Variants in ANO5 observed in about 807,000 individuals in gnomAD.
ANO5 encodes anoctamin-5.
A neutral mutation model predicts 121.0 loss-of-function variants in ANO5; 109 were observed. That is an observed-to-expected ratio of 0.90 (90% CI 0.77 to 1.06). The LOEUF (loss-of-function observed/expected upper bound fraction) is 1.06, where lower values mean the gene tolerates loss of function less well. Ranked by LOEUF, ANO5 falls within the 50% of genes least tolerant of loss-of-function variation. The pLI, the probability that ANO5 is intolerant of heterozygous loss-of-function variation, is 0.00. For synonymous variants in ANO5, 406 were observed against 359.9 expected (o/e 1.13, Z -1.45); for missense variants, 1,064 against 1,078.5 (o/e 0.99, Z 0.19).
intron 9 of ANO5, among the ~76,000 whole-genome samples, chr11:22,243,172 G>A (rs183348892): frequency 6.6e-6 from 1 of 152,128 alleles, no homozygotes; most frequent in East Asian, 1.9e-4. Flanking sequence ...ATGATCATAT[G>A]TTAATAGTTT....
chr11:22,225,846 A>G, intron 5 of ANO5, 138 bp from the exon 6 acceptor site: 1 of 658,878 alleles, frequency 1.5e-6, no homozygotes. Flanking sequence ...TGACATTCAG[A>G]TGGAGCATTT....
chr11:22,247,675 C>A (rs887787454), intron 9 of ANO5, among the ~76,000 whole-genome samples: 2 of 152,070 alleles, frequency 1.3e-5, no homozygotes, highest in Admixed American at 6.6e-5. Flanking sequence ...TACCTCTATA[C>A]CAAACATCAC....
chr11:22,257,561 A>G (rs373356671), intron 13 of ANO5, 119 bp from the exon 14 acceptor site: 3 of 798,342 alleles, frequency 3.8e-6, no homozygotes, highest in Non-Finnish European at 6.5e-6. Context: ...TCCATGACCT[A>G]TAGTAGGCCC....
chr11:22,221,095 A>T lies in ANO5; in HGVS notation c.181-2A>T. On this transcript the variant is annotated splice_acceptor_variant, in intron 4 of 21. Transcript: ENST00000324559. LOFTEE classifies it high-confidence loss of function. ...CAATTGTGTCATTTATGTCTCCTGC[A>T]GTTTCAAAAAAATCAGCAAAGCAAA... The T allele has an allele frequency of 6.3e-7, 1 of 1,598,010 alleles. No homozygotes were observed. Among genetic ancestry groups the T allele is most frequent in the Non-Finnish European group, 8.6e-7 (1 of 1,166,406 alleles).
chr11:22,278,634 G>T (rs1007369311), intron 21 of ANO5, among the ~76,000 whole-genome samples: 1 of 150,070 alleles, frequency 6.7e-6, no homozygotes, highest in Non-Finnish European at 1.5e-5. Context: ...AGCATTTTGT[G>T]CATACAGGAG....
rs1407092015 is a variant in ANO5 at position 22,203,831 on chromosome 11, A to G, written c.68A>G (p.Tyr23Cys). Residue 23 changes from tyrosine (Y) to cysteine (C), a missense_variant, in exon 2 of 22, where the codon TAC (tyrosine) becomes TGC (cysteine). By Grantham distance (194) the Tyr-to-Cys change is radical. Transcript: ENST00000324559. ...GAAAAAGTCAATAAGCATATAGACT[A>G]CTCTTTCCAAATGAGTGAGGTAAGT... ...EGEKVNKHIDYSFQMSEQSLS... is the reference protein window; with the variant it reads ...EGEKVNKHIDCSFQMSEQSLS... 2 of 1,476,484 alleles carry G rather than the reference A, an allele frequency of 1.4e-6. No individual in the cohort carries two copies. Among genetic ancestry groups the G allele is most frequent in the Non-Finnish European group, 9.4e-7 (1 of 1,061,366 alleles). The allele number at this position is 1,476,484 out of a possible 1,614,324, so 91.5% of individuals were successfully genotyped here.
intron 18 of ANO5, among the ~76,000 whole-genome samples, chr11:22,271,990 T>C (rs1854633316): frequency 6.6e-6 from 1 of 152,156 alleles, no homozygotes; most frequent in Non-Finnish European, 1.5e-5. Context: ...ATTTGAGATA[T>C]ATTTAAAAAT....
rs766878815 is a variant in ANO5, at chr11:22,221,108, T to C, written c.192T>C (p.Asn64=). ...FLRRRLMFQK[N]QQSKDSIFFR... is the part of the protein sequence containing the mutation. ...TATGTCTCCTGCAGTTTCAAAAAAA[T>C]CAGCAAAGCAAAGATTCTATCTTCT... The change falls in exon 5 of 22, where the codon AAT becomes AAC. Residue 64 remains asparagine, a synonymous_variant. Transcript: ENST00000324559. 2 of 1,611,078 alleles carry C rather than the reference T, an allele frequency of 1.2e-6. No individual in the cohort carries two copies. The highest frequency in any genetic ancestry group is 2.2e-5 in the South Asian group (2 of 90,992).
intron 8 of ANO5, among the ~76,000 whole-genome samples, chr11:22,237,935 A>G (rs963665149): frequency 1.3e-5 from 2 of 152,196 alleles, no homozygotes; most frequent in Non-Finnish European, 2.9e-5. Flanking sequence ...GCCTACACAC[A>G]TTCTTCAGCA....
In ANO5 at chr11:22,193,605, GC is replaced by G; in HGVS notation, c.40+77del. 7 of 1,553,696 alleles carry G rather than the reference GC, an allele frequency of 4.5e-6. 1 individual carries two copies. The Admixed American group carries it at 9.1e-5, about 20-fold the overall frequency. ...GCACCCCTCCACCCGCGGCGCAGAGGCCCCGGGGGACGTTGGCGGCCCTGCG... is the reference window on the plus strand; with the variant it reads ...GCACCCCTCCACCCGCGGCGCAGAGGCCCGGGGGACGTTGGCGGCCCTGCG... On this transcript the variant is annotated intron_variant, in intron 1 of 21. Coordinates refer to ENST00000324559, the MANE Select transcript of ANO5 (RefSeq NM_213599.3).
chr11:22,221,632 T>G (rs1176836105), intron 5 of ANO5, among the ~76,000 whole-genome samples: 1 of 151,964 alleles, frequency 6.6e-6, no homozygotes, highest in Non-Finnish European at 1.5e-5. Flanking sequence ...TACACATCAC[T>G]TTATGAGCTT....
intron 2 of ANO5, among the ~76,000 whole-genome samples, chr11:22,205,537 C>CAAAATAAAATAAAATAAAAT (rs66490106): frequency 1.4e-5 from 2 of 148,116 alleles, no homozygotes; most frequent in South Asian, 4.3e-4. Context: ...CAGGCTGTCT[C>CAAAATAAAATAAAATAAAAT]AAAATAAAAT....
At chr11:22,230,389 C>T (rs1022638998) in intron 7 of ANO5, among the ~76,000 whole-genome samples, 2 of 151,896 alleles carry the variant, frequency 1.3e-5, no homozygotes, top group Non-Finnish European at 2.9e-5. Context: ...TTTTCCATTG[C>T]ACTAATAATA....
chr11:22,278,895 T>C (rs985866507), intron 21 of ANO5, among the ~76,000 whole-genome samples: 2 of 148,648 alleles, frequency 1.3e-5, no homozygotes, highest in Admixed American at 6.8e-5. Flanking sequence ...TTTTTTTTTT[T>C]CAATATGTTG....
Position 22,279,575 on chromosome 11 carries a change from C to A in ANO5, c.2552C>A (p.Ala851Asp). Residue 851 changes from alanine (A) to aspartate (D), a missense_variant, in exon 22 of 22, where the codon GCC becomes GAC. Ala to Asp is a moderately radical substitution (Grantham distance 126, BLOSUM62 -2). Transcript: ENST00000324559. Reference protein sequence around the residue: ...HVVFLVKFLLAWMIPDVPKDV... With the variant: ...HVVFLVKFLLDWMIPDVPKDV... ...GTGTTTTTAGTTAAATTTTTGCTGGCCTGGATGATACCTGATGTTCCAAAA... is the reference window on the plus strand; with the variant it reads ...GTGTTTTTAGTTAAATTTTTGCTGGACTGGATGATACCTGATGTTCCAAAA... The A allele has an allele frequency of 6.2e-7, 1 of 1,612,632 alleles. No homozygotes were observed. Among genetic ancestry groups the A allele is most frequent in the Non-Finnish European group, 8.5e-7 (1 of 1,179,070 alleles).
In ANO5 at chr11:22,262,821, A is replaced by ATATC. The variant is rs1373913040; in HGVS notation, c.1801-123_1801-120dup. ...CAGGTTTGGAACTATTGGGCTAAATATATCTTAACCCTTCCAACCAAAACC... is the reference window on the plus strand; with the variant it reads ...CAGGTTTGGAACTATTGGGCTAAATATATCTATCTTAACCCTTCCAACCAAAACC... On this transcript the variant is annotated intron_variant, in intron 16 of 21. Coordinates refer to ENST00000324559, the MANE Select transcript of ANO5 (RefSeq NM_213599.3). 6.5e-6 allele frequency: 5 copies of ATATC among 767,142 alleles called. No individual in the cohort carries two copies. The African/African-American group carries it at 6.9e-5, about 11-fold the overall frequency. 47.5% of individuals were successfully genotyped at this position (767,142 alleles called of 1,614,324 possible).
In ANO5 at chr11:22,272,861, G is replaced by A; in HGVS notation, c.2107G>A (p.Val703Ile). ...TCTTCTTGCTCTCATAAATAATATT[G>A]TAGAGATTCGAGTGGATGCCTGGAA... Reference protein sequence around the residue: ...APLLALINNIVEIRVDAWKLT... With the variant: ...APLLALINNIIEIRVDAWKLT... The change falls in exon 19 of 22, where the codon GTA becomes ATA. Residue 703 changes from valine to isoleucine, a missense_variant. By Grantham distance (29) the Val-to-Ile change is conservative (BLOSUM62 3). Coordinates refer to ENST00000324559, the MANE Select transcript of ANO5 (RefSeq NM_213599.3). The A allele has an allele frequency of 6.2e-7, 1 of 1,613,984 alleles. No homozygotes were observed. Among genetic ancestry groups the A allele is most frequent in the Non-Finnish European group, 8.5e-7 (1 of 1,179,990 alleles).
intron 9 of ANO5, among the ~76,000 whole-genome samples, chr11:22,244,965 C>G (rs982993717): frequency 2.6e-5 from 4 of 152,110 alleles, no homozygotes; most frequent in Admixed American, 2.6e-4. Context: ...AGAGTTCTTG[C>G]ACTGAATCTT....
At position 22,199,866 on chromosome 11, in the gene ANO5, C is replaced by T. The variant is rs546778209; in HGVS notation, c.41-3938C>T. Among the ~76,000 whole-genome samples, 4 of 152,070 alleles carry T rather than the reference C, an allele frequency of 2.6e-5. No homozygotes were observed. The South Asian group carries it at 8.3e-4, about 32-fold the overall frequency. On this transcript the variant is annotated intron_variant, in intron 1 of 21. Coordinates refer to ENST00000324559, the MANE Select transcript of ANO5 (RefSeq NM_213599.3). Reference sequence around the variant, plus strand: ...TTATGGATATTCTTCTCTGATTTGCCCCCAAATTCAACGAATAATAGGTTC... The same window carrying T: ...TTATGGATATTCTTCTCTGATTTGCTCCCAAATTCAACGAATAATAGGTTC...
Sources: gnomAD v4.1 joint callset for allele counts (sites outside exome capture counted in the v4.1 genomes callset) on GRCh38, gnomAD v4.1.1 for gene constraint, MANE v1.5 for transcripts, NCBI Gene and HGNC (gene_info 2026-07-23, HGNC 2026-07-21) for gene names.